Variants in PID1 observed in about 807,000 individuals in gnomAD.
The protein encoded by PID1 is phosphotyrosine interaction domain containing 1.
A neutral mutation model predicts 19.1 loss-of-function variants in PID1; 10 were observed. The observed-to-expected ratio is 0.52, with a 90% CI of 0.32 to 0.89. The LOEUF (loss-of-function observed/expected upper bound fraction) is 0.89. Ranked by LOEUF, PID1 falls within the 40% of genes least tolerant of loss-of-function variation. PID1 has a pLI of 0.03. For missense variants in PID1, 248 were observed against 285.3 expected (o/e 0.87, Z 0.94); for synonymous variants, 130 against 116.0 (o/e 1.12, Z -0.78).
At chr2:229,249,009 C>A (rs1163157333) in intron 1 of PID1, among the ~76,000 whole-genome samples, 1 of 152,136 alleles carries the variant, frequency 6.6e-6, no homozygotes, top group African/African-American at 2.4e-5. Flanking sequence ...AAACTTTCTC[C>A]CCCATCTGAA....
chr2:229,042,687 T>C (rs1440116109), intron 2 of PID1, among the ~76,000 whole-genome samples: 1 of 152,204 alleles, frequency 6.6e-6, no homozygotes, highest in Non-Finnish European at 1.5e-5. Flanking sequence ...AAGCTTTCAA[T>C]GTCATATTCT....
chr2:229,034,372 G>A (rs1693617080), intron 2 of PID1, among the ~76,000 whole-genome samples: 1 of 152,166 alleles, frequency 6.6e-6, no homozygotes, highest in African/African-American at 2.4e-5. Flanking sequence ...ATTCCATAAG[G>A]TATGTACTAG....
intron 2 of PID1, among the ~76,000 whole-genome samples, chr2:229,070,087 T>G (rs771706863): frequency 2.0e-4 from 31 of 152,240 alleles, no homozygotes; most frequent in Admixed American, 6.5e-5. Flanking sequence ...GCTCTCAGTT[T>G]GATAGGATTT....
chr2:229,250,612 C>T (rs1348676626), intron 1 of PID1, among the ~76,000 whole-genome samples: 3 of 152,166 alleles, frequency 2.0e-5, no homozygotes, highest in Non-Finnish European at 2.9e-5. Flanking sequence ...TCTCGTTTTC[C>T]TTATTGACAG....
chr2:229,163,536 A>G (rs999175048), intron 1 of PID1, among the ~76,000 whole-genome samples: 1 of 151,342 alleles, frequency 6.6e-6, no homozygotes, highest in African/African-American at 2.4e-5. Flanking sequence ...CTCTCAAGTG[A>G]TTATGTGGGA....
At chr2:229,118,753 T>C (rs561367145) in intron 2 of PID1, among the ~76,000 whole-genome samples, 1 of 152,232 alleles carries the variant, frequency 6.6e-6, no homozygotes, top group Admixed American at 6.5e-5. Flanking sequence ...TAAAATACAT[T>C]CAGAGAGCAA....
intron 1 of PID1, among the ~76,000 whole-genome samples, chr2:229,219,087 G>A (rs1691910003): frequency 6.6e-6 from 1 of 152,076 alleles, no homozygotes; most frequent in African/African-American, 2.4e-5. Context: ...AAAACACAAT[G>A]TTCAAAAACT....
chr2:229,058,091 A>G (rs1366112692), intron 2 of PID1, among the ~76,000 whole-genome samples: 1 of 152,232 alleles, frequency 6.6e-6, no homozygotes, highest in African/African-American at 2.4e-5. Flanking sequence ...TATAATTTTC[A>G]TGGCTTGCAA....
At chr2:229,047,809 A>G (rs1044449749) in intron 2 of PID1, among the ~76,000 whole-genome samples, 71 of 152,296 alleles carry the variant, frequency 4.7e-4, no homozygotes, top group African/African-American at 1.6e-3. Flanking sequence ...TAGAAACAAA[A>G]TGGGATCTGA....
intron 2 of PID1, among the ~76,000 whole-genome samples, chr2:229,032,650 G>A (rs1254239484): frequency 6.6e-6 from 1 of 152,166 alleles, no homozygotes; most frequent in Non-Finnish European, 1.5e-5. Flanking sequence ...ACAACTAGCT[G>A]GAAATTGCGG....
chr2:229,033,976 C>A (rs1693608780), intron 2 of PID1, among the ~76,000 whole-genome samples: 1 of 152,204 alleles, frequency 6.6e-6, no homozygotes, highest in Non-Finnish European at 1.5e-5. Context: ...CTGCTCCTTT[C>A]TTGCTGGCCA....
At chr2:229,039,247 C>G (rs967895377) in intron 2 of PID1, among the ~76,000 whole-genome samples, 1 of 152,078 alleles carries the variant, frequency 6.6e-6, no homozygotes, top group African/African-American at 2.4e-5. Context: ...ATATCCAATT[C>G]TTTGTGTAAT....
intron 1 of PID1, among the ~76,000 whole-genome samples, chr2:229,267,661 T>C (rs1452696930): frequency 6.6e-6 from 1 of 152,162 alleles, no homozygotes; most frequent in Non-Finnish European, 1.5e-5. Flanking sequence ...AGACATTTGC[T>C]CTGAGAAAAT....
intron 2 of PID1, among the ~76,000 whole-genome samples, chr2:229,029,932 T>A (rs987349016): frequency 4.6e-5 from 7 of 151,824 alleles, no homozygotes; most frequent in Non-Finnish European, 8.8e-5. Context: ...AAGATGTATA[T>A]CAAAGAGATA....
At chr2:229,244,575 A>G (rs1406983229) in intron 1 of PID1, among the ~76,000 whole-genome samples, 1 of 152,184 alleles carries the variant, frequency 6.6e-6, no homozygotes, top group African/African-American at 2.4e-5. Context: ...CTTTCAACTC[A>G]GTCAAAATTA....
At chr2:229,059,668 T>C (rs938425395) in intron 2 of PID1, among the ~76,000 whole-genome samples, 1 of 152,234 alleles carries the variant, frequency 6.6e-6, no homozygotes, top group African/African-American at 2.4e-5. Context: ...CTAGCAAGTT[T>C]ACTGTGTAAG....
intron 1 of PID1, among the ~76,000 whole-genome samples, chr2:229,157,710 C>T (rs1690405220): frequency 6.6e-6 from 1 of 152,194 alleles, no homozygotes; most frequent in Non-Finnish European, 1.5e-5. Context: ...AGAGGCTATG[C>T]ATTGGAACCA....
rs149371661 is a variant in PID1, at chr2:229,264,172, T to C, written c.30+6842A>G. On this transcript the variant is annotated intron_variant, in intron 1 of 2. Transcript: ENST00000392055. ...CGCTATATAACCTTCTAGCTGTGGA[T>C]AGTTGGGAGCAAACATGCATTTGAT... Among the ~76,000 whole-genome samples the C allele has an allele frequency of 3.0e-3, 453 of 152,294 alleles. 2 individuals carry two copies. The highest frequency in any genetic ancestry group is 9.9e-3 in the African/African-American group (410 of 41,536).
At chr2:229,172,395 C>A (rs188813303) in intron 1 of PID1, among the ~76,000 whole-genome samples, 1 of 152,184 alleles carries the variant, frequency 6.6e-6, no homozygotes, top group Admixed American at 6.5e-5. Context: ...TCCAACAGTG[C>A]CATGCTCTTT....
Sources: allele counts gnomAD v4.1 joint callset (sites outside exome capture counted in the v4.1 genomes callset), GRCh38; gene constraint gnomAD v4.1.1; transcripts MANE v1.5; gene names NCBI Gene and HGNC (gene_info 2026-07-23, HGNC 2026-07-21).